Variants in SMIM44 observed in about 807,000 individuals in gnomAD.
SMIM44 encodes small integral membrane protein 44.
chr19:3,483,325 G>A, the SMIM44 span: 4 of 398,184 alleles, frequency 1.0e-5, no homozygotes, highest in African/African-American at 6.2e-5. Context: ...CTGTCCAGGG[G>A]CGGCGGCCGG....
At chr19:3,482,569 G>T in the SMIM44 span, among the ~76,000 whole-genome samples, 1 of 152,204 alleles carries the variant, frequency 6.6e-6, no homozygotes. Flanking sequence ...ATATTACAAC[G>T]TTTTAAATCG....
At chr19:3,482,791 C>A in the SMIM44 span, 2 of 397,936 alleles carry the variant, frequency 5.0e-6, no homozygotes, top group Non-Finnish European at 8.9e-6. Flanking sequence ...CGTCCGGAAC[C>A]CGGATTCAGG....
chr19:3,482,148 A>ATCCCGTC, the SMIM44 span, among the ~76,000 whole-genome samples: 2 of 152,232 alleles, frequency 1.3e-5, no homozygotes, highest in Non-Finnish European at 2.9e-5. Flanking sequence ...CTGACTGTGT[A>ATCCCGTC]TCCCGTCTTG....
chr19:3,483,119 A>G, the SMIM44 span: 1 of 398,352 alleles, frequency 2.5e-6, no homozygotes, highest in African/African-American at 2.1e-5. Flanking sequence ...CTCCTCAGCT[A>G]GGAGAAGCAC....
chr19:3,482,159 T>C, the SMIM44 span, among the ~76,000 whole-genome samples: 1 of 152,204 alleles, frequency 6.6e-6, no homozygotes, highest in South Asian at 2.1e-4. Context: ...TCCCGTCTTG[T>C]GCAGGGCTTG....
chr19:3,482,707 G>T, the SMIM44 span: 2 of 396,390 alleles, frequency 5.0e-6, no homozygotes, highest in Non-Finnish European at 8.9e-6. Flanking sequence ...AAAGCCGTCC[G>T]CTGCGACCGG....
chr19:3,482,657 G>A, the SMIM44 span: 1 of 394,760 alleles, frequency 2.5e-6, no homozygotes, highest in Non-Finnish European at 4.5e-6. Context: ...TGTGAAAGTC[G>A]CCAGCGTCCA....
chr19:3,482,374 G>A, the SMIM44 span, among the ~76,000 whole-genome samples: 1 of 152,208 alleles, frequency 6.6e-6, no homozygotes, highest in African/African-American at 2.4e-5. Context: ...GGCTTTTTCT[G>A]AGAAAAGCAC....
At chr19:3,483,238 C>G in the SMIM44 span, 4 of 398,454 alleles carry the variant, frequency 1.0e-5, no homozygotes, top group Non-Finnish European at 1.8e-5. Context: ...ATGAGGTGCC[C>G]GACGATGGCG....
the SMIM44 span, chr19:3,482,779 A>G: frequency 3.0e-5 from 12 of 397,322 alleles, no homozygotes; most frequent in African/African-American, 2.1e-4. Flanking sequence ...CGACCGCCAA[A>G]GCGTCCGGAA....
At chr19:3,482,582 C>T in the SMIM44 span, among the ~76,000 whole-genome samples, 1 of 152,218 alleles carries the variant, frequency 6.6e-6, no homozygotes, top group Non-Finnish European at 1.5e-5. Flanking sequence ...TTAAATCGCC[C>T]TAGTGTTTCT....
chr19:3,482,702 C>T, the SMIM44 span: 2 of 396,366 alleles, frequency 5.0e-6, no homozygotes, highest in Non-Finnish European at 8.9e-6. Context: ...AGGAGAAAGC[C>T]GTCCGCTGCG....
At chr19:3,483,216 G>C in the SMIM44 span, 1 of 398,588 alleles carries the variant, frequency 2.5e-6, no homozygotes, top group East Asian at 3.6e-5. Context: ...CAGGTCGTGG[G>C]CGAGGTCTTT....
chr19:3,483,074 G>A, the SMIM44 span: 2 of 398,380 alleles, frequency 5.0e-6, no homozygotes, highest in Admixed American at 4.4e-5. Context: ...AGCTGGTGAG[G>A]CAACTCCCCG....
the SMIM44 span, chr19:3,482,870 GC>G: frequency 2.5e-6 from 1 of 397,922 alleles, no homozygotes; most frequent in Admixed American, 4.4e-5. Context: ...TGGAGGGGCG[GC>G]GGGGCTCCGG....
chr19:3,482,912 C>A, the SMIM44 span: 1 of 398,148 alleles, frequency 2.5e-6, no homozygotes. Flanking sequence ...GGGCTCCCTC[C>A]CCACCCCCGC....
the SMIM44 span, among the ~76,000 whole-genome samples, chr19:3,482,644 G>C: frequency 2.0e-5 from 3 of 152,202 alleles, no homozygotes; most frequent in Non-Finnish European, 2.9e-5. Context: ...CAGGCTCTGC[G>C]TATGTGAAAG....
At chr19:3,482,897 A>G in the SMIM44 span, 17 of 397,772 alleles carry the variant, frequency 4.3e-5, no homozygotes, top group South Asian at 2.2e-3. Context: ...GCGGGGGTTC[A>G]GAGGGGGCTC....
the SMIM44 span, chr19:3,483,343 C>T: frequency 7.5e-6 from 3 of 398,126 alleles, no homozygotes; most frequent in Non-Finnish European, 4.4e-6. Flanking sequence ...CGGTACTCCT[C>T]GTACAGCGGC....
Sources: allele counts gnomAD v4.1 joint callset (sites outside exome capture counted in the v4.1 genomes callset), GRCh38; gene constraint gnomAD v4.1.1; transcripts MANE v1.5; gene names NCBI Gene and HGNC (gene_info 2026-07-23, HGNC 2026-07-21).